FAM135B: variants seen among roughly 807,000 people sequenced by gnomAD.
FAM135B encodes protein FAM135B.
In FAM135B, 43 loss-of-function variants were observed where a neutral mutation model predicts 127.7. The ratio of observed to expected loss-of-function variants is 0.34; its 90% CI spans 0.26 to 0.43. The LOEUF is 0.43. Among genes scored for constraint, FAM135B ranks in the 20% least tolerant of loss-of-function variants. The probability of loss-of-function intolerance (pLI) is 1.00; values close to 1 mark genes in which losing one functional copy is unlikely to be tolerated. For missense variants in FAM135B, 1,558 were observed against 1,725.6 expected, an observed-to-expected ratio of 0.90 and a Z score of 1.72; for synonymous variants, 670 against 665.1, an observed-to-expected ratio of 1.01 and a Z score of -0.11.
chr8:138,367,554 A>G (rs1214458599), intron 2 of FAM135B: 2 of 427,152 alleles, frequency 4.7e-6, no homozygotes, highest in East Asian at 1.2e-4. Flanking sequence ...AGTATTGAAC[A>G]CACTGACTCC....
At chr8:138,323,888 A>G (rs1004059623) in intron 2 of FAM135B, among the ~76,000 whole-genome samples, 2 of 152,222 alleles carry the variant, frequency 1.3e-5, no homozygotes, top group Non-Finnish European at 2.9e-5. Context: ...AGTAAAGCAG[A>G]TATTTTTTAT....
intron 1 of FAM135B, among the ~76,000 whole-genome samples, chr8:138,368,625 C>T (rs1366667062): frequency 6.6e-6 from 1 of 152,066 alleles, no homozygotes; most frequent in Admixed American, 6.5e-5. Context: ...CAATATCAAG[C>T]GTGGCACATA....
intron 2 of FAM135B, among the ~76,000 whole-genome samples, chr8:138,366,109 A>G (rs1420240876): frequency 6.6e-6 from 1 of 152,222 alleles, no homozygotes. Flanking sequence ...ATTTTGAATG[A>G]GAGAAACTTA....
intron 11 of FAM135B, among the ~76,000 whole-genome samples, chr8:138,176,614 G>A (rs775609827): frequency 4.6e-5 from 7 of 152,188 alleles, no homozygotes; most frequent in Non-Finnish European, 1.0e-4. Context: ...GGATTCTAAT[G>A]AGAAAGGTGA....
intron 7 of FAM135B, among the ~76,000 whole-genome samples, chr8:138,209,750 A>G (rs1037547339): frequency 3.3e-5 from 5 of 152,166 alleles, no homozygotes; most frequent in Admixed American, 2.0e-4. Context: ...CCCTTAGGAA[A>G]GTTGTAATCA....
intron 1 of FAM135B, among the ~76,000 whole-genome samples, chr8:138,410,125 G>A (rs1363014729): frequency 1.3e-5 from 2 of 152,118 alleles, no homozygotes; most frequent in Non-Finnish European, 2.9e-5. Context: ...TGTAAAGGCT[G>A]ACTTAGAGAA....
intron 1 of FAM135B, among the ~76,000 whole-genome samples, chr8:138,450,207 C>A (rs1836414121): frequency 6.6e-6 from 1 of 152,162 alleles, no homozygotes; most frequent in Non-Finnish European, 1.5e-5. Flanking sequence ...CTGAATATTT[C>A]ATTGTCTGGG....
At chr8:138,326,590 A>T (rs1354851131) in intron 2 of FAM135B, among the ~76,000 whole-genome samples, 1 of 152,134 alleles carries the variant, frequency 6.6e-6, no homozygotes, top group Non-Finnish European at 1.5e-5. Context: ...ACCTGCAACC[A>T]GTTCCAAGCA....
chr8:138,384,087 T>C (rs1832034385), intron 1 of FAM135B, among the ~76,000 whole-genome samples: 2 of 152,232 alleles, frequency 1.3e-5, no homozygotes, highest in South Asian at 4.1e-4. Context: ...TTCCAGGAGC[T>C]GTAGACACAG....
chr8:138,490,755 G>GT (rs1348529690), intron 1 of FAM135B, among the ~76,000 whole-genome samples: 1 of 152,128 alleles, frequency 6.6e-6, no homozygotes, highest in Non-Finnish European at 1.5e-5. Context: ...GTAAGTTGCA[G>GT]TTATTCTAAG....
chr8:138,212,931 C>T (rs184687698), intron 7 of FAM135B, among the ~76,000 whole-genome samples: 4 of 152,102 alleles, frequency 2.6e-5, no homozygotes, highest in South Asian at 2.1e-4. Flanking sequence ...CTTGAAGGTC[C>T]GATTTTTTAA....
chr8:138,383,299 T>C (rs968840496), intron 1 of FAM135B, among the ~76,000 whole-genome samples: 1 of 152,216 alleles, frequency 6.6e-6, no homozygotes, highest in African/African-American at 2.4e-5. Flanking sequence ...GCAATGTGTA[T>C]TTCTGTGCAA....
At chr8:138,257,964 T>C (rs1449262991) in intron 4 of FAM135B, among the ~76,000 whole-genome samples, 1 of 152,172 alleles carries the variant, frequency 6.6e-6, no homozygotes, top group African/African-American at 2.4e-5. Flanking sequence ...GAAACTCATT[T>C]GGAAACTGTT....
At chr8:138,160,143 G>A (rs1819211379) in intron 12 of FAM135B, among the ~76,000 whole-genome samples, 1 of 152,126 alleles carries the variant, frequency 6.6e-6, no homozygotes, top group Admixed American at 6.5e-5. Flanking sequence ...GGTAAGTCCT[G>A]AGGGCACAGA....
chr8:138,363,889 G>A (rs1404829343), intron 2 of FAM135B, among the ~76,000 whole-genome samples: 2 of 152,074 alleles, frequency 1.3e-5, no homozygotes, highest in Non-Finnish European at 2.9e-5. Flanking sequence ...GTGGAACTTG[G>A]AAGACCACAG....
At chr8:138,252,142 A>G (rs1380886572) in intron 5 of FAM135B, among the ~76,000 whole-genome samples, 1 of 152,232 alleles carries the variant, frequency 6.6e-6, no homozygotes, top group African/African-American at 2.4e-5. Context: ...GGTCTAGGCC[A>G]TGAATCTCAG....
chr8:138,445,384 C>T (rs1433952356), intron 1 of FAM135B, among the ~76,000 whole-genome samples: 3 of 152,176 alleles, frequency 2.0e-5, no homozygotes, highest in East Asian at 1.9e-4. Context: ...CCTTGATGAA[C>T]ATTGATGCAA....
At chr8:138,170,624 T>C (rs1243544611) in intron 11 of FAM135B, among the ~76,000 whole-genome samples, 4 of 152,192 alleles carry the variant, frequency 2.6e-5, no homozygotes, top group East Asian at 1.9e-4. Flanking sequence ...GTCACCATGA[T>C]TGGATTATGT....
At chr8:138,469,108 GGAAA>G (rs1397070305) in intron 1 of FAM135B, among the ~76,000 whole-genome samples, 1 of 147,088 alleles carries the variant, frequency 6.8e-6, no homozygotes, top group African/African-American at 2.5e-5. Context: ...AAGGAAGGAG[GGAAA>G]GAAGGAAGGA....
Sources: gnomAD v4.1 joint callset for allele counts (sites outside exome capture counted in the v4.1 genomes callset) on GRCh38, gnomAD v4.1.1 for gene constraint, MANE v1.5 for transcripts, NCBI Gene and HGNC (gene_info 2026-07-23, HGNC 2026-07-21) for gene names.